The following TMEM123 variants were observed in gnomAD, a reference collection of about 807,000 sequenced individuals.
TMEM123 encodes the protein porimin.
A neutral mutation model predicts 19.7 loss-of-function variants in TMEM123; 16 were observed. That is an observed-to-expected ratio of 0.81 (90% confidence interval 0.55 to 1.23). The LOEUF (loss-of-function observed/expected upper bound fraction) is 1.23. Ranked by LOEUF, TMEM123 falls within the 50% of genes most tolerant of loss-of-function variation. The pLI, the probability that TMEM123 is intolerant of heterozygous loss-of-function variation, is 0.00. For missense variants in TMEM123, 313 were observed against 257.8 expected, an observed-to-expected ratio of 1.21 and a Z score of -1.47; for synonymous variants, 118 against 99.4, an observed-to-expected ratio of 1.19 and a Z score of -1.12.
intron 2 of TMEM123, among the ~76,000 whole-genome samples, chr11:102,409,040 A>C (rs763265707): frequency 1.8e-4 from 28 of 152,176 alleles, no homozygotes; most frequent in Non-Finnish European, 3.7e-4. Context: ...ATTTAATAAT[A>C]TTATTCTCCT....
intron 2 of TMEM123, among the ~76,000 whole-genome samples, chr11:102,419,167 A>T (rs898005141): frequency 1.3e-5 from 2 of 152,144 alleles, no homozygotes; most frequent in African/African-American, 2.4e-5. Flanking sequence ...AAAATAAAAG[A>T]AAAACAAAAA....
At chr11:102,446,590 A>G (rs1309476354) in intron 2 of TMEM123, among the ~76,000 whole-genome samples, 2 of 152,236 alleles carry the variant, frequency 1.3e-5, no homozygotes, top group African/African-American at 4.8e-5. Flanking sequence ...TTGCTCCACA[A>G]TTGAGTTCAA....
chr11:102,451,820 G>A (rs1342503646), intron 1 of TMEM123, among the ~76,000 whole-genome samples: 7 of 152,228 alleles, frequency 4.6e-5, no homozygotes, highest in African/African-American at 1.7e-4. Context: ...GCGACGACAA[G>A]GGCCACCGGC....
chr11:102,451,676 C>A (rs1031270710), intron 1 of TMEM123, among the ~76,000 whole-genome samples: 1 of 152,244 alleles, frequency 6.6e-6, no homozygotes, highest in African/African-American at 2.4e-5. Flanking sequence ...AGTATTTACA[C>A]AACAAATCCC....
chr11:102,425,422 A>G (rs1952117867), intron 2 of TMEM123, among the ~76,000 whole-genome samples: 1 of 152,098 alleles, frequency 6.6e-6, no homozygotes. Context: ...TTGAGCATAG[A>G]CCCATTTCCT....
At chr11:102,424,048 T>G (rs1565351652) in intron 2 of TMEM123, among the ~76,000 whole-genome samples, 2 of 152,216 alleles carry the variant, frequency 1.3e-5, no homozygotes, top group Non-Finnish European at 2.9e-5. Context: ...TTCTATTATG[T>G]GGTTTCCTAG....
chr11:102,420,056 T>C (rs1952073861), intron 2 of TMEM123, among the ~76,000 whole-genome samples: 1 of 152,242 alleles, frequency 6.6e-6, no homozygotes, highest in Non-Finnish European at 1.5e-5. Context: ...GAATGGTTTT[T>C]ATATAAAAAT....
At chr11:102,412,066 C>A (rs1050119521) in intron 2 of TMEM123, among the ~76,000 whole-genome samples, 1 of 152,134 alleles carries the variant, frequency 6.6e-6, no homozygotes, top group Non-Finnish European at 1.5e-5. Flanking sequence ...TGCTTCCCAC[C>A]CATTCTCAGC....
intron 2 of TMEM123, among the ~76,000 whole-genome samples, chr11:102,406,663 C>T (rs1048486907): frequency 1.3e-5 from 2 of 151,816 alleles, no homozygotes; most frequent in African/African-American, 2.4e-5. Context: ...ATCACGAGGT[C>T]AGGAGATCGA....
At chr11:102,439,932 T>G (rs1048311832) in intron 2 of TMEM123, among the ~76,000 whole-genome samples, 2 of 152,102 alleles carry the variant, frequency 1.3e-5, no homozygotes, top group Non-Finnish European at 2.9e-5. Context: ...CTGATTCAAC[T>G]AGAAGAAAGT....
At chr11:102,446,174 A>C (rs571173441) in intron 2 of TMEM123, among the ~76,000 whole-genome samples, 11 of 152,326 alleles carry the variant, frequency 7.2e-5, no homozygotes, top group African/African-American at 2.6e-4. Context: ...TCCTTGCTCA[A>C]ACCCATTATG....
At position 102,448,849 on chromosome 11, in the gene TMEM123, A is replaced by G. The variant is rs1196426432; in HGVS notation, c.120T>C (p.Asn40=). 3 of 1,613,700 alleles carry G rather than the reference A, an allele frequency of 1.9e-6. No individual in the cohort carries two copies. In the African/African-American group the frequency reaches 4.0e-5, roughly 22 times the overall value. Reference sequence around the variant, plus strand: ...CACTGGAGTTGTGTGGAAGCCCAGAATTCTCTATGTTTGCAGATGCTGTAA... The same window carrying G: ...CACTGGAGTTGTGTGGAAGCCCAGAGTTCTCTATGTTTGCAGATGCTGTAA... ...AAMAASANIE[N]SGLPHNSSAN... Residue 40 remains asparagine (N), a synonymous_variant, in exon 2 of 5, where the codon AAT becomes AAC. Coordinates refer to ENST00000398136, the MANE Select transcript of TMEM123 (RefSeq NM_052932.3).
At chr11:102,448,022 C>CA (rs1857901659) in intron 2 of TMEM123, among the ~76,000 whole-genome samples, 2 of 152,116 alleles carry the variant, frequency 1.3e-5, no homozygotes, top group Non-Finnish European at 2.9e-5. Context: ...AACAAAAGAA[C>CA]AAAAACTCCT....
chr11:102,436,788 CTG>C (rs1316640099), intron 2 of TMEM123, among the ~76,000 whole-genome samples: 5 of 152,160 alleles, frequency 3.3e-5, no homozygotes, highest in Non-Finnish European at 7.3e-5. Flanking sequence ...TGCCTGCTCT[CTG>C]TGAAAAAGGA....
chr11:102,449,414 T>C (rs1857916362), intron 1 of TMEM123: 1 of 153,518 alleles, frequency 6.5e-6, no homozygotes, highest in African/African-American at 2.4e-5. Context: ...GAGATTTCTA[T>C]GTCCCAATTA....
At chr11:102,448,673 C>A in intron 2 of TMEM123, 139 bp downstream of exon 2, 5 of 712,226 alleles carry the variant, frequency 7.0e-6, no homozygotes, top group Non-Finnish European at 1.2e-5. Flanking sequence ...GGCACTAGGG[C>A]AGGTTATTGG....
intron 2 of TMEM123, among the ~76,000 whole-genome samples, chr11:102,447,494 A>G (rs145663448): frequency 1.1e-3 from 171 of 152,316 alleles, no homozygotes; most frequent in Middle Eastern, 0.01. Flanking sequence ...GGAGTATCTT[A>G]TAAGTTGTAG....
Position 102,401,563 on chromosome 11 carries a change from C to T in TMEM123, c.578G>A (p.Arg193Lys), listed in dbSNP as rs1951913128. ...LYIGCKMYYS[R>K]RGIRYRTIDE... The stretch of plus-strand genomic sequence containing the variant: ...CATGGTTCGATACCGAATGCCTCTT[C>T]TTGAGTAATACATTTTGCATCCAAT... The change falls in exon 4 of 5, where the codon AGA becomes AAA. Residue 193 changes from arginine to lysine, a missense_variant. Transcript: ENST00000398136. The T allele has an allele frequency of 6.3e-7, 1 of 1,589,398 alleles. No homozygotes were observed. Among genetic ancestry groups the T allele is most frequent in the Non-Finnish European group, 8.5e-7 (1 of 1,173,836 alleles).
chr11:102,446,647 T>C (rs142290023), intron 2 of TMEM123, among the ~76,000 whole-genome samples: 1 of 152,200 alleles, frequency 6.6e-6, no homozygotes, highest in Non-Finnish European at 1.5e-5. Context: ...GCACCAGGCA[T>C]AGAGTGAGAT....
Sources: gnomAD v4.1 joint callset for allele counts (sites outside exome capture counted in the v4.1 genomes callset) on GRCh38, gnomAD v4.1.1 for gene constraint, MANE v1.5 for transcripts, NCBI Gene and HGNC (gene_info 2026-07-23, HGNC 2026-07-21) for gene names.